Variants in ZDHHC24 observed in about 807,000 individuals in gnomAD.
The protein encoded by ZDHHC24 is zDHHC palmitoyltransferase 24, also known as probable palmitoyltransferase ZDHHC24.
A neutral mutation model predicts 23.2 loss-of-function variants in ZDHHC24; 17 were observed. That is an observed-to-expected ratio of 0.73 (90% CI 0.50 to 1.10). The LOEUF is 1.10. ZDHHC24 is among the 50% of genes least tolerant of loss of function. The pLI is 0.00. For synonymous variants in ZDHHC24, 186 were observed against 194.5 expected (o/e 0.96, Z 0.36); for missense variants, 366 against 393.0 (o/e 0.93, Z 0.58).
At chr11:66,521,588 G>C (rs1424312557) in intron 4 of ZDHHC24, 10 of 596,266 alleles carry the variant, frequency 1.7e-5, no homozygotes, top group Non-Finnish European at 1.8e-5. Flanking sequence ...TAGGCTGGGT[G>C]GCTATAGTAC....
intron 4 of ZDHHC24, chr11:66,521,536 T>G: frequency 1.5e-6 from 1 of 687,924 alleles, no homozygotes; most frequent in East Asian, 2.8e-5. Flanking sequence ...CAGGGGAGGA[T>G]ACCTGGAGGC....
chr11:66,544,005 A>C, intron 1 of ZDHHC24, 24 bp from the exon 2 acceptor site: 1 of 1,609,128 alleles, frequency 6.2e-7, no homozygotes, highest in South Asian at 1.1e-5. Flanking sequence ...CCACAGCGTC[A>C]GTTCCCCCAG....
intron 3 of ZDHHC24, chr11:66,528,988 A>AAGG (rs1856641426): frequency 1.4e-6 from 1 of 718,870 alleles, no homozygotes; most frequent in African/African-American, 1.9e-5. Flanking sequence ...AAAAAAAAAA[A>AAGG]AGGAAGAAAA....
chr11:66,531,079 G>T (rs1856760466), downstream of ZDHHC24: 17 of 1,610,340 alleles, frequency 1.1e-5, no homozygotes, highest in Non-Finnish European at 1.4e-5. Context: ...CAGGGCAGGG[G>T]CCTGATGAGA....
At chr11:66,532,120 C>A, downstream of ZDHHC24, 1 of 1,402,516 alleles carries the variant, frequency 7.1e-7, no homozygotes, top group Non-Finnish European at 9.8e-7. Context: ...ACTCCTCATG[C>A]AGCAGTGTGC....
At chr11:66,541,319 C>T (rs1857144053) in intron 2 of ZDHHC24, among the ~76,000 whole-genome samples, 1 of 151,624 alleles carries the variant, frequency 6.6e-6, no homozygotes, top group South Asian at 2.1e-4. Flanking sequence ...AAGAGAATCA[C>T]TTGAACCTGG....
intron 2 of ZDHHC24, chr11:66,542,401 A>C (rs1857176659): frequency 6.5e-6 from 1 of 153,034 alleles, no homozygotes; most frequent in Non-Finnish European, 1.5e-5. Flanking sequence ...AATGGTGAGA[A>C]GGATGAGCTC....
chr11:66,531,741 A>T, downstream of ZDHHC24: 1 of 1,613,854 alleles, frequency 6.2e-7, no homozygotes, highest in South Asian at 1.1e-5. Context: ...GACATCATCA[A>T]GGTAGGCCCC....
intron 4 of ZDHHC24, among the ~76,000 whole-genome samples, chr11:66,525,563 C>CA (rs879584801): frequency 1.3e-4 from 20 of 150,898 alleles, no homozygotes; most frequent in Non-Finnish European, 2.4e-4. Flanking sequence ...GACTCCATCT[C>CA]AAAAAAAAAG....
chr11:66,539,149 G>GC lies in ZDHHC24; in HGVS notation c.*379dup. 4 of 852,644 alleles carry GC rather than the reference G, an allele frequency of 4.7e-6. No individual in the cohort carries two copies. In the South Asian group the frequency reaches 1.6e-4, roughly 34 times the overall value. 52.8% of individuals were successfully genotyped at this position (852,644 alleles called of 1,614,324 possible). A position where few individuals can be genotyped will look rare whatever the true frequency, so the allele number is the denominator to read the frequency against. On this transcript the variant is annotated 3_prime_UTR_variant, in exon 3 of 3. Transcript: ENST00000310442. ...CCAGGCCAGGGGAGGTAGAGCCCCA[G>GC]CCCCTGAGACCCTCAGGCATCCTGC...
intron 4 of ZDHHC24, chr11:66,526,497 G>A (rs1856499477): frequency 1.1e-6 from 1 of 939,610 alleles, no homozygotes; most frequent in Non-Finnish European, 1.7e-6. Flanking sequence ...AGACTATTAA[G>A]ATGCACTTTG....
intron 4 of ZDHHC24, chr11:66,523,928 G>A (rs746520815): frequency 5.6e-6 from 9 of 1,608,662 alleles, no homozygotes; most frequent in East Asian, 4.5e-5. Flanking sequence ...CCTTGCCCTC[G>A]TCTCACCTCT....
At chr11:66,523,667 C>T (rs1032626950) in intron 4 of ZDHHC24, 2 of 1,610,316 alleles carry the variant, frequency 1.2e-6, no homozygotes, top group African/African-American at 2.7e-5. Context: ...ACCCCAGAAA[C>T]CGTTCTTTCC....
intron 3 of ZDHHC24, chr11:66,527,153 G>A (rs1011759866): frequency 1.3e-6 from 1 of 745,274 alleles, no homozygotes; most frequent in Non-Finnish European, 2.2e-6. Flanking sequence ...TGGGAGGACA[G>A]CATGAGCCCA....
intron 4 of ZDHHC24, chr11:66,523,305 A>G: frequency 9.5e-7 from 1 of 1,055,230 alleles, no homozygotes; most frequent in South Asian, 1.3e-5. Context: ...CACATTTACT[A>G]AGGTGGCAGA....
At chr11:66,529,853 G>A in intron 2 of ZDHHC24, 1 of 1,610,870 alleles carries the variant, frequency 6.2e-7, no homozygotes, top group Non-Finnish European at 8.5e-7. Context: ...ACCTATACCT[G>A]CTGCGCCTAC....
intron 1 of ZDHHC24, among the ~76,000 whole-genome samples, chr11:66,544,906 T>C (rs1212319913): frequency 6.6e-6 from 1 of 152,196 alleles, no homozygotes; most frequent in African/African-American, 2.4e-5. Flanking sequence ...CAAATTCCAG[T>C]TGTATATACT....
intron 4 of ZDHHC24, chr11:66,525,988 T>C (rs903159676): frequency 1.3e-6 from 1 of 748,628 alleles, no homozygotes; most frequent in African/African-American, 1.7e-5. Context: ...ATAGGAAATA[T>C]TTCAGAGGCA....
chr11:66,540,029 C>T (rs79155949), intron 2 of ZDHHC24, among the ~76,000 whole-genome samples: 2,131 of 152,286 alleles, frequency 0.014, 56 homozygotes, highest in African/African-American at 0.049. Flanking sequence ...GGCTTCATTC[C>T]TGCATCACAG....
Sources: allele counts gnomAD v4.1 joint callset (sites outside exome capture counted in the v4.1 genomes callset), GRCh38; gene constraint gnomAD v4.1.1; transcripts MANE v1.5; gene names NCBI Gene and HGNC (gene_info 2026-07-23, HGNC 2026-07-21).